Variants in ACAD11 observed in about 807,000 individuals in gnomAD.
ACAD11 encodes acyl-CoA dehydrogenase family member 11.
ACAD11 carries 83 observed loss-of-function variants against 102.2 expected under a neutral mutation model. The ratio of observed to expected loss-of-function variants is 0.81; its 90% CI spans 0.68 to 0.97. ACAD11 has a LOEUF of 0.97. ACAD11 is among the 50% of genes least tolerant of loss of function. The pLI, the probability that ACAD11 is intolerant of heterozygous loss-of-function variation, is 0.00. For missense variants in ACAD11, 901 were observed against 951.7 expected, an observed-to-expected ratio of 0.95 and a Z score of 0.70; for synonymous variants, 324 against 319.8, an observed-to-expected ratio of 1.01 and a Z score of -0.14.
At chr3:132,617,673 C>A (rs968401264) in intron 11 of ACAD11, among the ~76,000 whole-genome samples, 9 of 152,340 alleles carry the variant, frequency 5.9e-5, no homozygotes, top group African/African-American at 1.7e-4. Context: ...CCTTTCAAAA[C>A]TGAAGTTACA....
At chr3:132,577,512 G>A (rs1937539981) in intron 15 of ACAD11, among the ~76,000 whole-genome samples, 1 of 152,160 alleles carries the variant, frequency 6.6e-6, no homozygotes, top group Admixed American at 6.5e-5. Flanking sequence ...TGGCATTAGT[G>A]ATGATACAGA....
chr3:132,566,353 G>C, intron 17 of ACAD11, among the ~76,000 whole-genome samples: 1 of 133,238 alleles, frequency 7.5e-6, no homozygotes, highest in South Asian at 2.4e-4. Context: ...TATAACAAAA[G>C]ATTTACCATT....
chr3:132,610,333 A>C (rs1471020074), intron 11 of ACAD11, among the ~76,000 whole-genome samples: 3 of 152,188 alleles, frequency 2.0e-5, no homozygotes, highest in Admixed American at 1.3e-4. Flanking sequence ...AAGAGCAAAC[A>C]CATTCAAAAG....
chr3:132,558,975 A>G lies in ACAD11; in HGVS notation c.2339T>C (p.Ile780Thr), dbSNP rs1360560205. The change falls in exon 20 of 20, where the codon ATA (isoleucine) becomes ACA (threonine). Residue 780 changes from isoleucine (I) to threonine (T), a missense_variant. Ile to Thr is a moderately conservative substitution (Grantham distance 89). Transcript: ENST00000264990. ...GATGTGGCAGTGCCACCCTCCTTAT[A>G]TCTTGGCTGTCAGTCTTTTGGCTTG... Reference protein sequence around the residue: ...RDQAKRLTAKI With the variant: ...RDQAKRLTAKT 2.5e-6 allele frequency: 4 copies of G among 1,612,134 alleles called. No homozygotes were observed. In the Admixed American group the frequency reaches 5.0e-5, roughly 20 times the overall value.
chr3:132,562,367 T>C (rs1005826799), intron 17 of ACAD11, among the ~76,000 whole-genome samples: 2 of 152,228 alleles, frequency 1.3e-5, no homozygotes, highest in African/African-American at 4.8e-5. Context: ...CCTCCCAAAG[T>C]GCTGGGATTA....
intron 4 of ACAD11, among the ~76,000 whole-genome samples, chr3:132,641,605 G>GAAGAAGAA (rs1559973802): frequency 8.7e-6 from 1 of 115,164 alleles, no homozygotes; most frequent in African/African-American, 3.2e-5. Context: ...AAGAAGAAGA[G>GAAGAAGAA]GAGGAAGAAG....
At chr3:132,650,115 T>C (rs1940879009) in intron 1 of ACAD11, 1 of 152,180 alleles carries the variant, frequency 6.6e-6, no homozygotes, top group South Asian at 2.1e-4. Context: ...AGATCCTATG[T>C]ATTCAATAGG....
intron 5 of ACAD11, among the ~76,000 whole-genome samples, chr3:132,635,085 TA>T (rs1289844991): frequency 4.0e-5 from 6 of 150,090 alleles, no homozygotes; most frequent in African/African-American, 7.3e-5. Flanking sequence ...ATAAAAATAA[TA>T]AAAAAATAAA....
intron 4 of ACAD11, among the ~76,000 whole-genome samples, chr3:132,641,485 A>G (rs527766576): frequency 6.6e-6 from 1 of 152,034 alleles, no homozygotes; most frequent in African/African-American, 2.4e-5. Flanking sequence ...TGGAGCTTGC[A>G]GTGAGCAGAG....
Position 132,575,677 on chromosome 3 carries a change from T to G in ACAD11, c.2001+95A>C. 2.8e-6 allele frequency: 4 copies of G among 1,445,962 alleles called. No homozygotes were observed. In the African/African-American group the frequency reaches 5.6e-5, roughly 20 times the overall value. 89.6% of individuals were successfully genotyped at this position (1,445,962 alleles called of 1,614,324 possible). A position where few individuals can be genotyped will look rare whatever the true frequency, so the allele number is the denominator to read the frequency against. On this transcript the variant is annotated intron_variant, in intron 17 of 19. Transcript: ENST00000264990. ...TTATTGAAAAGAATCACCCGGTTCATGTAGAGAAAGTCTGTCTCTCACAAG... is the reference window on the plus strand; with the variant it reads ...TTATTGAAAAGAATCACCCGGTTCAGGTAGAGAAAGTCTGTCTCTCACAAG...
At chr3:132,623,146 A>C (rs1939669415) in intron 9 of ACAD11, among the ~76,000 whole-genome samples, 1 of 152,182 alleles carries the variant, frequency 6.6e-6, no homozygotes, top group Non-Finnish European at 1.5e-5. Context: ...AAGGAGTTTC[A>C]AAAGGTCATT....
At chr3:132,608,190 T>A (rs905321158) in intron 11 of ACAD11, among the ~76,000 whole-genome samples, 2 of 152,086 alleles carry the variant, frequency 1.3e-5, no homozygotes, top group Non-Finnish European at 2.9e-5. Flanking sequence ...GTAAAGACCA[T>A]CGACACTATA....
intron 5 of ACAD11, among the ~76,000 whole-genome samples, chr3:132,634,253 A>G (rs991887291): frequency 6.6e-6 from 1 of 152,262 alleles, no homozygotes; most frequent in African/African-American, 2.4e-5. Context: ...AACGATATGA[A>G]CAGACACTTC....
chr3:132,627,892 G>A (rs1330136408), intron 8 of ACAD11, among the ~76,000 whole-genome samples: 1 of 152,130 alleles, frequency 6.6e-6, no homozygotes, highest in East Asian at 1.9e-4. Flanking sequence ...AAGTGTGTTC[G>A]ATGCCTGAAA....
intron 4 of ACAD11, among the ~76,000 whole-genome samples, chr3:132,641,704 A>G (rs78279022): frequency 0.092 from 9,068 of 98,914 alleles, 499 homozygotes; most frequent in East Asian, 0.25. Context: ...AAGAGGAAGA[A>G]GAAGAAGAAG....
At chr3:132,625,931 G>A (rs1939790321) in intron 9 of ACAD11, among the ~76,000 whole-genome samples, 1 of 152,152 alleles carries the variant, frequency 6.6e-6, no homozygotes, top group Non-Finnish European at 1.5e-5. Flanking sequence ...ACTTGTGACA[G>A]GGATAGACTA....
chr3:132,610,599 A>T (rs1301330947), intron 11 of ACAD11, among the ~76,000 whole-genome samples: 1 of 152,232 alleles, frequency 6.6e-6, no homozygotes, highest in Admixed American at 6.5e-5. Context: ...GAACACCTCT[A>T]TGCAAATAAA....
chr3:132,607,668 T>C (rs952701014), intron 11 of ACAD11, among the ~76,000 whole-genome samples: 8 of 152,006 alleles, frequency 5.3e-5, no homozygotes, highest in Non-Finnish European at 1.0e-4. Flanking sequence ...CTGAAAATGA[T>C]GGGGAGAATG....
At chr3:132,564,794 G>A (rs1248642499) in intron 17 of ACAD11, among the ~76,000 whole-genome samples, 1 of 152,062 alleles carries the variant, frequency 6.6e-6, no homozygotes, top group South Asian at 2.1e-4. Context: ...AATAACCCTG[G>A]GCATTATCTA....
Sources: gnomAD v4.1 joint callset for allele counts (sites outside exome capture counted in the v4.1 genomes callset) on GRCh38, gnomAD v4.1.1 for gene constraint, MANE v1.5 for transcripts, NCBI Gene and HGNC (gene_info 2026-07-23, HGNC 2026-07-21) for gene names.